The following PROX1 variants were observed in gnomAD, a reference collection of about 807,000 sequenced individuals.
PROX1 encodes the protein prospero homeobox protein 1.
In PROX1, 7 loss-of-function variants were observed where a neutral mutation model predicts 58.8. The ratio of observed to expected loss-of-function variants is 0.12; its 90% CI spans 0.07 to 0.22. The LOEUF is 0.22. PROX1 is among the 10% of genes least tolerant of loss of function. The probability of loss-of-function intolerance (pLI) is 1.00; values close to 1 mark genes in which losing one functional copy is unlikely to be tolerated. For missense variants in PROX1, 675 were observed against 927.8 expected (o/e 0.73, Z 3.54); for synonymous variants, 350 against 358.3 (o/e 0.98, Z 0.26).
chr1:213,988,910 A>G (rs1035690332), intron 1 of PROX1, among the ~76,000 whole-genome samples: 3 of 151,462 alleles, frequency 2.0e-5, no homozygotes, highest in Non-Finnish European at 4.4e-5. Context: ...TTCTCAGGAG[A>G]GAGGACCGCG....
chr1:214,011,723 C>G lies in PROX1; in HGVS notation c.2028+8C>G. ...AAAGCAAATGACTTTGAGGTAGGAACTAATCTTTATTTTTTGGTCATCTCC... is the reference window on the plus strand; with the variant it reads ...AAAGCAAATGACTTTGAGGTAGGAAGTAATCTTTATTTTTTGGTCATCTCC... On this transcript the variant is annotated splice_region_variant and intron_variant, in intron 4 of 4. Transcript: ENST00000366958. The G allele has an allele frequency of 3.2e-6, 5 of 1,541,746 alleles. No homozygotes were observed. The highest frequency in any genetic ancestry group is 4.4e-6 in the Non-Finnish European group (5 of 1,142,590).
In PROX1 at chr1:213,996,817, C is replaced by T. The variant is rs749588824; in HGVS notation, c.282C>T (p.Ser94=). The T allele has an allele frequency of 1.2e-6, 2 of 1,614,048 alleles. No individual in the cohort carries two copies. The highest frequency in any genetic ancestry group is 1.7e-6 in the Non-Finnish European group (2 of 1,180,026). The change falls in exon 2 of 5, where the codon TCC becomes TCT. Residue 94 remains serine, a synonymous_variant. Coordinates refer to ENST00000366958, the MANE Select transcript of PROX1 (RefSeq NM_001270616.2). ...CTTTTCCAGGAGCAACCATAATTTC[C>T]CAGCTGTTGAAAAATAACATGAACA... ...MMPFPGATII[S]QLLKNNMNKN... is the part of the protein sequence containing the mutation.
intron 1 of PROX1, among the ~76,000 whole-genome samples, chr1:213,995,104 G>T (rs1663210940): frequency 6.6e-6 from 1 of 152,022 alleles, no homozygotes; most frequent in African/African-American, 2.4e-5. Flanking sequence ...CAGACACTCT[G>T]CATGCTGCCT....
intron 1 of PROX1, among the ~76,000 whole-genome samples, chr1:213,993,144 T>C (rs1487187148): frequency 6.6e-6 from 1 of 152,198 alleles, no homozygotes; most frequent in Non-Finnish European, 1.5e-5. Context: ...ACAAAATATT[T>C]AATGATGAAA....
chr1:214,021,186 T>G (rs2102753488), intron 4 of PROX1, among the ~76,000 whole-genome samples: 1 of 152,348 alleles, frequency 6.6e-6, no homozygotes, highest in East Asian at 1.9e-4. Flanking sequence ...TTGCCCACCA[T>G]TATGGTTTTA....
intron 1 of PROX1, among the ~76,000 whole-genome samples, chr1:213,989,357 G>A (rs879823268): frequency 3.3e-5 from 5 of 152,020 alleles, no homozygotes; most frequent in Non-Finnish European, 5.9e-5. Flanking sequence ...GGTGGGATTG[G>A]GACACCAGCA....
intron 4 of PROX1, among the ~76,000 whole-genome samples, chr1:214,015,906 G>A (rs1363051644): frequency 6.6e-6 from 1 of 152,138 alleles, no homozygotes; most frequent in Admixed American, 6.5e-5. Flanking sequence ...TGTAGGCAGG[G>A]TCTAAGTTTC....
intron 3 of PROX1, among the ~76,000 whole-genome samples, chr1:214,006,144 G>T (rs1477935815): frequency 1.3e-5 from 2 of 151,936 alleles, no homozygotes; most frequent in East Asian, 3.9e-4. Context: ...ATTAGGGGTG[G>T]GTGTTTTTTC....
At chr1:214,004,755 GAGA>G (rs1208691943) in intron 2 of PROX1, among the ~76,000 whole-genome samples, 3 of 152,086 alleles carry the variant, frequency 2.0e-5, no homozygotes, top group African/African-American at 4.8e-5. Context: ...AGAGTGTGGA[GAGA>G]AGAACAAACA....
chr1:213,987,137 A>G (rs1156621823), upstream of PROX1, among the ~76,000 whole-genome samples: 3 of 152,206 alleles, frequency 2.0e-5, no homozygotes, highest in Non-Finnish European at 2.9e-5. Flanking sequence ...TGCTTTACCT[A>G]CAATCCAACT....
At chr1:213,998,541 G>A (rs1272210606) in intron 2 of PROX1, among the ~76,000 whole-genome samples, 1 of 151,830 alleles carries the variant, frequency 6.6e-6, no homozygotes, top group African/African-American at 2.4e-5. Context: ...TTTTTCTGCT[G>A]TTCTTCCTGC....
At chr1:214,013,144 T>C (rs992939145) in intron 4 of PROX1, among the ~76,000 whole-genome samples, 11 of 150,466 alleles carry the variant, frequency 7.3e-5, no homozygotes, top group Admixed American at 7.3e-4. Flanking sequence ...GGGTGGTGTG[T>C]GTGTGTGTGT....
chr1:213,996,400 G>A lies in PROX1; in HGVS notation c.-67-69G>A. 6.6e-6 allele frequency: 7 copies of A among 1,056,360 alleles called. No homozygotes were observed. In the South Asian group the frequency reaches 1.3e-4, roughly 19 times the overall value. 65.4% of individuals were successfully genotyped at this position (1,056,360 alleles called of 1,614,324 possible). On this transcript the variant is annotated intron_variant, in intron 1 of 4. Coordinates refer to ENST00000366958, the MANE Select transcript of PROX1 (RefSeq NM_001270616.2). ...CCTATGCATTTTGCATTTGATTCAG[G>A]ATTGAGGTCAGGAAATTTGGAGAAA...
At chr1:214,010,421 T>C (rs1473317247) in intron 3 of PROX1, among the ~76,000 whole-genome samples, 1 of 152,244 alleles carries the variant, frequency 6.6e-6, no homozygotes, top group Non-Finnish European at 1.5e-5. Flanking sequence ...AGCTGTCATC[T>C]TGTTGGAGTC....
intron 4 of PROX1, among the ~76,000 whole-genome samples, chr1:214,033,000 A>ACACT (rs1280102846): frequency 1.3e-5 from 2 of 152,094 alleles, no homozygotes; most frequent in African/African-American, 4.8e-5. Flanking sequence ...TCCTACAACT[A>ACACT]CACTTCCCTC....
upstream of PROX1, chr1:213,985,738 C>T (rs1188637994): frequency 1.3e-5 from 2 of 152,252 alleles, no homozygotes; most frequent in African/African-American, 2.4e-5. Context: ...CATTCAAGCG[C>T]TATGTGCAAT....
At chr1:214,003,525 C>T (rs889976126) in intron 2 of PROX1, among the ~76,000 whole-genome samples, 5 of 152,160 alleles carry the variant, frequency 3.3e-5, no homozygotes, top group Non-Finnish European at 5.9e-5. Context: ...CATAAATTAT[C>T]GTCTTTGTAA....
chr1:214,038,314 A>G lies in PROX1; in HGVS notation c.*2480A>G, dbSNP rs1411237649. On this transcript the variant is annotated 3_prime_UTR_variant, in exon 5 of 5. Transcript: ENST00000366958. ...CTTTCCGGTGGTTTTCCCTTTTACA[A>G]TCGAAATCTTGTGCCTCCCAAGTGC... The G allele has an allele frequency of 2.6e-5, 4 of 152,116 alleles. No individual in the cohort carries two copies. Among genetic ancestry groups the G allele is most frequent in the African/African-American group, 7.2e-5 (3 of 41,408 alleles). 9.4% of individuals were successfully genotyped at this position (152,116 alleles called of 1,614,324 possible). A position where few individuals can be genotyped will look rare whatever the true frequency, so the allele number is the denominator to read the frequency against.
chr1:213,991,627 C>T (rs572651387), intron 1 of PROX1, among the ~76,000 whole-genome samples: 4 of 152,200 alleles, frequency 2.6e-5, no homozygotes, highest in Admixed American at 6.5e-5. Context: ...GTCATGCATA[C>T]ATAACATGCA....
Sources: gnomAD v4.1 joint callset for allele counts (sites outside exome capture counted in the v4.1 genomes callset) on GRCh38, gnomAD v4.1.1 for gene constraint, MANE v1.5 for transcripts, NCBI Gene and HGNC (gene_info 2026-07-23, HGNC 2026-07-21) for gene names.